The following OSBPL9 variants were observed in gnomAD, a reference collection of about 807,000 sequenced individuals.
The protein encoded by OSBPL9 is oxysterol-binding protein-related protein 9.
A neutral mutation model predicts 106.6 loss-of-function variants in OSBPL9; 40 were observed. The ratio of observed to expected loss-of-function variants is 0.38; its 90% CI spans 0.29 to 0.49. The LOEUF (loss-of-function observed/expected upper bound fraction) is 0.49. Ranked by LOEUF, OSBPL9 falls within the 20% of genes least tolerant of loss-of-function variation. The probability of loss-of-function intolerance (pLI) is 0.97; values close to 1 mark genes in which losing one functional copy is unlikely to be tolerated. For missense variants in OSBPL9, 609 were observed against 887.2 expected, an observed-to-expected ratio of 0.69 and a Z score of 3.98; for synonymous variants, 269 against 295.4, an observed-to-expected ratio of 0.91 and a Z score of 0.92.
intron 3 of OSBPL9, among the ~76,000 whole-genome samples, chr1:51,677,113 T>C (rs373659195): frequency 6.6e-6 from 1 of 152,168 alleles, no homozygotes; most frequent in East Asian, 1.9e-4. Flanking sequence ...TAAAGTGTGG[T>C]TCTCGAATAG....
intron 11 of OSBPL9, among the ~76,000 whole-genome samples, chr1:51,765,374 C>T (rs1031320364): frequency 6.6e-6 from 1 of 152,086 alleles, no homozygotes; most frequent in African/African-American, 2.4e-5. Context: ...ATGTGATATC[C>T]TGCAATATTT....
intron 3 of OSBPL9, among the ~76,000 whole-genome samples, chr1:51,700,263 C>G (rs1244649070): frequency 2.6e-5 from 4 of 152,176 alleles, no homozygotes; most frequent in Admixed American, 1.3e-4. Flanking sequence ...GCTTTGGGCT[C>G]TCATGCCCTG....
At chr1:51,568,713 C>T in the OSBPL9 span, among the ~76,000 whole-genome samples, 2 of 152,184 alleles carry the variant, frequency 1.3e-5, no homozygotes, top group South Asian at 4.2e-4. Context: ...ATTACAGGCT[C>T]CCGCCACCAC....
intron 1 of OSBPL9, among the ~76,000 whole-genome samples, chr1:51,634,545 T>C (rs1256575930): frequency 6.6e-6 from 1 of 152,184 alleles, no homozygotes; most frequent in African/African-American, 2.4e-5. Context: ...GGTATACAAA[T>C]TTATTCACGT....
chr1:51,597,421 ATATGTG>A lies in OSBPL9; in HGVS notation c.-422-701_-422-696del, dbSNP rs1451932231. On this transcript the variant is annotated intron_variant, in intron 1 of 25. Transcript: ENST00000371714. ...GGAATATATGTGTGTATATATATATATATGTGTGTGTGTGTGTGTGTGTGTGTGTGT... is the reference window on the plus strand; with the variant it reads ...GGAATATATGTGTGTATATATATATATGTGTGTGTGTGTGTGTGTGTGTGT... Among the ~76,000 whole-genome samples the A allele has an allele frequency of 4.5e-4, 45 of 100,488 alleles. 1 individual carries two copies. Among genetic ancestry groups the A allele is most frequent in the African/African-American group, 1.3e-3 (42 of 32,206 alleles). The allele number at this position is 100,488 out of a possible 152,430, so 65.9% of individuals were successfully genotyped here.
At chr1:51,732,969 CTT>C (rs986167006) in intron 4 of OSBPL9, among the ~76,000 whole-genome samples, 2 of 152,194 alleles carry the variant, frequency 1.3e-5, no homozygotes, top group Admixed American at 6.5e-5. Flanking sequence ...AGTTATTTGT[CTT>C]TTCACAGCCT....
At chr1:51,740,035 C>A in intron 4 of OSBPL9, 2 of 1,355,394 alleles carry the variant, frequency 1.5e-6, no homozygotes, top group Admixed American at 2.3e-5. Flanking sequence ...CCTACTTTTC[C>A]TCTGTGTAGT....
chr1:51,654,604 T>A (rs887079657), intron 2 of OSBPL9, among the ~76,000 whole-genome samples: 1 of 152,124 alleles, frequency 6.6e-6, no homozygotes, highest in Non-Finnish European at 1.5e-5. Flanking sequence ...TTATTTGCAA[T>A]ATTCATAGCA....
At chr1:51,769,107 G>A (rs2149096618) in intron 12 of OSBPL9, among the ~76,000 whole-genome samples, 1 of 152,302 alleles carries the variant, frequency 6.6e-6, no homozygotes, top group Middle Eastern at 3.4e-3. Flanking sequence ...TATATCTTAT[G>A]TCTTGGTCCT....
chr1:51,699,865 CAT>C (rs1217755353), intron 3 of OSBPL9, among the ~76,000 whole-genome samples: 5 of 152,178 alleles, frequency 3.3e-5, no homozygotes, highest in Admixed American at 6.5e-5. Context: ...TGTGTCTACA[CAT>C]GTGTACATCC....
At chr1:51,701,620 T>C (rs939790950) in intron 3 of OSBPL9, among the ~76,000 whole-genome samples, 5 of 151,930 alleles carry the variant, frequency 3.3e-5, no homozygotes, top group South Asian at 2.1e-4. Flanking sequence ...GCCTATCCTT[T>C]CACTATATAG....
At chr1:51,520,067 TCTTC>T in the OSBPL9 span, among the ~76,000 whole-genome samples, 108 of 152,378 alleles carry the variant, frequency 7.1e-4, no homozygotes, top group Admixed American at 3.9e-3. Flanking sequence ...TATCTTTTTC[TCTTC>T]CTTATGTCAG....
At chr1:51,552,978 C>A in the OSBPL9 span, among the ~76,000 whole-genome samples, 16,152 of 150,406 alleles carry the variant, frequency 0.11, 1,206 homozygotes, top group Non-Finnish European at 0.16. Flanking sequence ...AAAAAAAAAA[C>A]AAACTTTTTT....
At chr1:51,609,363 A>C (rs1224815478) in intron 2 of OSBPL9, among the ~76,000 whole-genome samples, 1 of 138,246 alleles carries the variant, frequency 7.2e-6, no homozygotes, top group East Asian at 2.1e-4. Flanking sequence ...TTTTTTTTAG[A>C]GATAGGGTGT....
intron 1 of OSBPL9, among the ~76,000 whole-genome samples, chr1:51,650,203 T>G (rs560185603): frequency 9.2e-5 from 14 of 152,184 alleles, no homozygotes; most frequent in African/African-American, 3.1e-4. Flanking sequence ...GTTGTTTAAT[T>G]TGTAACCCTA....
chr1:51,523,340 C>T, the OSBPL9 span, among the ~76,000 whole-genome samples: 3 of 151,788 alleles, frequency 2.0e-5, no homozygotes, highest in African/African-American at 7.3e-5. Flanking sequence ...CTCCTGGGCT[C>T]AAGTCATCCT....
chr1:51,750,837 G>T (rs1483517676), intron 8 of OSBPL9, among the ~76,000 whole-genome samples: 2 of 152,096 alleles, frequency 1.3e-5, no homozygotes, highest in East Asian at 1.9e-4. Context: ...TTTATTTCCA[G>T]CAAGTGGCTA....
Position 51,710,056 on chromosome 1 carries a change from G to C in OSBPL9, c.242-3947G>C, listed in dbSNP as rs563182851. 2.0e-5 allele frequency: 3 copies of C among 152,360 alleles called. No homozygotes were observed. The South Asian group carries it at 6.2e-4, about 32-fold the overall frequency. 9.4% of individuals were successfully genotyped at this position (152,360 alleles called of 1,614,324 possible). A position where few individuals can be genotyped will look rare whatever the true frequency, so the allele number is the denominator to read the frequency against. ...TCTGGTCATCTTTGTCCTGGCCAGA[G>C]ATCATGTCTGTAGAGGGCTGAGGTA... On this transcript the variant is annotated intron_variant, in intron 3 of 23. Transcript: ENST00000428468.
At chr1:51,587,535 A>G (rs1441058439) in intron 1 of OSBPL9, among the ~76,000 whole-genome samples, 1 of 152,088 alleles carries the variant, frequency 6.6e-6, no homozygotes, top group Non-Finnish European at 1.5e-5. Flanking sequence ...CTTTCTGCCT[A>G]ACTCTCACAG....
Sources: gnomAD v4.1 joint callset for allele counts (sites outside exome capture counted in the v4.1 genomes callset) on GRCh38, gnomAD v4.1.1 for gene constraint, MANE v1.5 for transcripts, NCBI Gene and HGNC (gene_info 2026-07-23, HGNC 2026-07-21) for gene names.